MALRD1: variants seen among roughly 807,000 people sequenced by gnomAD.
MALRD1 encodes the protein MAM and LDL receptor class A domain containing 1, also known as MAM and LDL-receptor class A domain-containing protein 1.
A neutral mutation model predicts 242.1 loss-of-function variants in MALRD1; 247 were observed. The observed-to-expected ratio is 1.02, with a 90% CI of 0.92 to 1.13. The LOEUF is 1.13. Among genes scored for constraint, MALRD1 ranks in the 50% most tolerant of loss-of-function variants. The pLI is 0.00. For missense variants in MALRD1, 2,989 were observed against 2,533.1 expected (o/e 1.18, Z -3.86); for synonymous variants, 995 against 866.6 (o/e 1.15, Z -2.60).
intron 14 of MALRD1, among the ~76,000 whole-genome samples, chr10:19,202,979 C>A (rs2131612357): frequency 6.6e-6 from 1 of 152,178 alleles, no homozygotes; most frequent in African/African-American, 2.4e-5. Context: ...AACAATAATA[C>A]CTTCCTATAT....
At chr10:19,216,115 C>CTTTT (rs1203339393) in intron 18 of MALRD1, among the ~76,000 whole-genome samples, 1,152 of 113,838 alleles carry the variant, frequency 0.01, 25 homozygotes, top group East Asian at 0.097. Flanking sequence ...TTCTTTCTTT[C>CTTTT]TTTCTTTTTT....
rs753894635 is a variant in MALRD1 at position 19,283,005 on chromosome 10, C to G, written c.3257-14C>G. 2.0e-6 allele frequency: 3 copies of G among 1,529,918 alleles called. No individual in the cohort carries two copies. Among genetic ancestry groups the G allele is most frequent in the Middle Eastern group, 1.7e-4 (1 of 5,908 alleles). 94.8% of individuals were successfully genotyped at this position (1,529,918 alleles called of 1,614,324 possible). ...CTTACTAGCTCACCTTTTCTTTGTT[C>G]TACCCCATCCAAGTTATGGAAGTTT... is the stretch of plus-strand genomic sequence containing the variant. On this transcript the variant is annotated splice_polypyrimidine_tract_variant and intron_variant, in intron 20 of 39. Transcript: ENST00000454679.
rs973170291 is a variant in MALRD1, at chr10:19,583,517, G to A, written c.5681-11677G>A. Among the ~76,000 whole-genome samples, 12 of 150,124 alleles carry A rather than the reference G, an allele frequency of 8.0e-5. 1 individual carries two copies. Among genetic ancestry groups the A allele is most frequent in the Admixed American group, 7.3e-4 (11 of 15,092 alleles). On this transcript the variant is annotated intron_variant, in intron 33 of 39. Coordinates refer to ENST00000454679, the MANE Select transcript of MALRD1 (RefSeq NM_001142308.3). ...TTGTCTTTGGTTCTGTTTATATGCT[G>A]GATTACATTTATTGATTTGCGTATA...
chr10:19,104,236 T>C (rs1836383793), intron 5 of MALRD1, among the ~76,000 whole-genome samples, 161 bp downstream of exon 5: 1 of 152,224 alleles, frequency 6.6e-6, no homozygotes, highest in Non-Finnish European at 1.5e-5. Context: ...GGATCTATAC[T>C]GGGAGTGAAG....
chr10:19,271,720 A>C (rs531377107), intron 19 of MALRD1, among the ~76,000 whole-genome samples: 3 of 152,156 alleles, frequency 2.0e-5, no homozygotes. Flanking sequence ...CCGAGATCTC[A>C]CCACTGCACT....
chr10:19,547,572 T>G (rs1445403362), intron 32 of MALRD1, among the ~76,000 whole-genome samples: 1 of 151,548 alleles, frequency 6.6e-6, no homozygotes, highest in Non-Finnish European at 1.5e-5. Flanking sequence ...CAGTTACCAC[T>G]CTCATTAACA....
intron 33 of MALRD1, among the ~76,000 whole-genome samples, chr10:19,585,953 C>G (rs1246806398): frequency 6.6e-6 from 1 of 152,082 alleles, no homozygotes; most frequent in African/African-American, 2.4e-5. Flanking sequence ...CTAAACTTCC[C>G]TTCTCGCTTC....
intron 19 of MALRD1, among the ~76,000 whole-genome samples, chr10:19,269,925 T>A (rs1378268348): frequency 6.6e-6 from 1 of 152,240 alleles, no homozygotes; most frequent in East Asian, 1.9e-4. Context: ...TATGAACTCA[T>A]CGGTCTCTCT....
At chr10:19,644,918 C>A (rs957305944) in intron 36 of MALRD1, among the ~76,000 whole-genome samples, 26 of 152,128 alleles carry the variant, frequency 1.7e-4, no homozygotes, top group Non-Finnish European at 2.9e-5. Context: ...GTTCATAAAT[C>A]TATTGTCCAT....
At position 19,165,641 on chromosome 10, in the gene MALRD1, AG is replaced by A; in HGVS notation, c.1662del (p.Gln554HisfsTer20). On this transcript the variant is annotated frameshift_variant, in exon 13 of 40. Transcript: ENST00000454679. LOFTEE classifies it high-confidence loss of function. ...LLTASTPCQVQFWYHLSQHSN... is the reference protein window; with the variant it reads ...LLTASTPCQVXFWYHLSQHSN... ...TTGAAAACATGTTTTCAACAGGTGC[AG>A]TTTTGGTATCATTTGTCTCAACATT... The A allele has an allele frequency of 3.2e-6, 4 of 1,231,320 alleles. No individual in the cohort carries two copies. The South Asian group carries it at 1.6e-4, about 51-fold the overall frequency. The allele number at this position is 1,231,320 out of a possible 1,614,324, so 76.3% of individuals were successfully genotyped here.
intron 18 of MALRD1, among the ~76,000 whole-genome samples, chr10:19,249,118 T>C (rs1412674085): frequency 6.6e-6 from 1 of 151,190 alleles, no homozygotes; most frequent in Non-Finnish European, 1.5e-5. Context: ...TTTATATATT[T>C]CTTTTAATTC....
intron 18 of MALRD1, among the ~76,000 whole-genome samples, chr10:19,233,545 A>G (rs1303275062): frequency 1.3e-5 from 2 of 151,652 alleles, no homozygotes; most frequent in African/African-American, 4.8e-5. Context: ...TTAAGTTACT[A>G]AAATTAAACA....
chr10:19,294,241 A>T (rs983768355), intron 21 of MALRD1, among the ~76,000 whole-genome samples: 25 of 152,164 alleles, frequency 1.6e-4, no homozygotes, highest in African/African-American at 6.0e-4. Flanking sequence ...TTACATTCTA[A>T]CTCCTGTGAA....
chr10:19,252,317 G>A (rs1223584771), intron 18 of MALRD1, among the ~76,000 whole-genome samples: 1 of 152,018 alleles, frequency 6.6e-6, no homozygotes, highest in Non-Finnish European at 1.5e-5. Context: ...CAGCCCAAGG[G>A]CCACCATTTA....
rs142174033 is a variant in MALRD1, at chr10:19,460,920, A to T, written c.5029+10430A>T. Among the ~76,000 whole-genome samples the T allele has an allele frequency of 5.1e-3, 771 of 152,278 alleles. 2 individuals are homozygous for T. The highest frequency in any genetic ancestry group is 8.1e-3 in the Non-Finnish European group (552 of 68,022). On this transcript the variant is annotated intron_variant, in intron 29 of 39. Coordinates refer to ENST00000454679, the MANE Select transcript of MALRD1 (RefSeq NM_001142308.3). ...ATGACTTGCTGAGCTCAGCTGTGCA[A>T]GTACTCTTTGGTTTCATCTGCTGTA...
chr10:19,446,778 A>AT (rs1274317703), intron 28 of MALRD1, among the ~76,000 whole-genome samples: 1 of 152,086 alleles, frequency 6.6e-6, no homozygotes, highest in Non-Finnish European at 1.5e-5. Flanking sequence ...ATTAGTGTCT[A>AT]TTTTTTACTC....
At chr10:19,200,250 T>G (rs16918336) in intron 14 of MALRD1, among the ~76,000 whole-genome samples, 21,288 of 152,300 alleles carry the variant, frequency 0.14, 1,569 homozygotes, top group Middle Eastern at 0.2. Context: ...TTCTGGTTCA[T>G]GTCTTTCTGT....
intron 5 of MALRD1, among the ~76,000 whole-genome samples, chr10:19,118,049 A>G (rs1836933560): frequency 6.6e-6 from 1 of 152,228 alleles, no homozygotes; most frequent in Admixed American, 6.5e-5. Context: ...TCAAGTGGTG[A>G]TATTTGCTAT....
chr10:19,439,109 TTTGTAA>T (rs2130976339), intron 28 of MALRD1, among the ~76,000 whole-genome samples: 1 of 69,614 alleles, frequency 1.4e-5, no homozygotes, highest in South Asian at 3.5e-4. Flanking sequence ...TGCATTTTAA[TTTGTAA>T]TTGTTTTTTA....
Sources: gnomAD v4.1 joint callset for allele counts (sites outside exome capture counted in the v4.1 genomes callset) on GRCh38, gnomAD v4.1.1 for gene constraint, MANE v1.5 for transcripts, NCBI Gene and HGNC (gene_info 2026-07-23, HGNC 2026-07-21) for gene names.